AKNA: variants seen among roughly 807,000 people sequenced by gnomAD.
The protein encoded by AKNA is AT-hook transcription factor.
Under a neutral mutation model 138.8 loss-of-function variants are expected in AKNA, and 67 were observed. The ratio of observed to expected loss-of-function variants is 0.48; its 90% CI spans 0.40 to 0.59. AKNA has a LOEUF of 0.59. Among genes scored for constraint, AKNA ranks in the 20% least tolerant of loss-of-function variants. The pLI, the probability that AKNA is intolerant of heterozygous loss-of-function variation, is 0.00. For missense variants in AKNA, 1,813 were observed against 1,880.4 expected (o/e 0.96, Z 0.66); for synonymous variants, 737 against 754.4 (o/e 0.98, Z 0.38).
intron 20 of AKNA, 45 bp from the exon 21 acceptor site, chr9:114,341,770 G>GTCCA: frequency 6.6e-7 from 1 of 1,525,158 alleles, no homozygotes; most frequent in Non-Finnish European, 8.8e-7. Context: ...CTGACCACTT[G>GTCCA]GCAGATCCAG....
In AKNA at chr9:114,356,844, T is replaced by C; in HGVS notation, c.2846+19A>G. On this transcript the variant is annotated intron_variant, in intron 13 of 21. Coordinates refer to ENST00000374088, the MANE Select transcript of AKNA (RefSeq NM_001317950.2). ...CAGGAATGTGGCACTGACGGGACAA[T>C]GGCGGGATCCCGGGATACCTGATGT... 6.5e-7 allele frequency: 1 copy of C among 1,527,954 alleles called. No individual in the cohort carries two copies. Among genetic ancestry groups the C allele is most frequent in the Non-Finnish European group, 8.7e-7 (1 of 1,146,084 alleles). 94.6% of individuals were successfully genotyped at this position (1,527,954 alleles called of 1,614,324 possible).
chr9:114,350,537 A>T (rs1831033978), intron 15 of AKNA, among the ~76,000 whole-genome samples: 1 of 152,252 alleles, frequency 6.6e-6, no homozygotes, highest in African/African-American at 2.4e-5. Context: ...TCAATGGTCA[A>T]ATTGCAGAAA....
chr9:114,330,552 T>A, downstream of AKNA: 6 of 1,612,718 alleles, frequency 3.7e-6, no homozygotes, highest in Non-Finnish European at 3.4e-6. Context: ...GAGGACACGA[T>A]CTTTCTCAGA....
In AKNA at chr9:114,337,064, C is replaced by G; in HGVS notation, c.4310G>C (p.Cys1437Ser). The change falls in exon 22 of 22, where the codon TGC becomes TCC. Residue 1437 changes from cysteine (C) to serine (S), a missense_variant. Physicochemically the swap from Cys to Ser is moderately radical, Grantham distance 112. Transcript: ENST00000374088. The stretch of plus-strand genomic sequence containing the variant: ...GGGCCCCCAGTGAAGTCAGAAGAGG[C>G]AGGAGCCCCGCAGGCTGTGAGCCTG... ...LRQAHSLRGS[C>S]LF 7.9e-7 allele frequency: 1 copy of G among 1,266,740 alleles called. No homozygotes were observed. 78.5% of individuals were successfully genotyped at this position (1,266,740 alleles called of 1,614,324 possible).
chr9:114,385,826 C>G (rs1347734175), intron 1 of AKNA, among the ~76,000 whole-genome samples: 1 of 152,220 alleles, frequency 6.6e-6, no homozygotes, highest in Non-Finnish European at 1.5e-5. Flanking sequence ...ACGTTAGTGC[C>G]AACTACCTGC....
At chr9:114,347,116 T>C (rs117261644) in intron 16 of AKNA, among the ~76,000 whole-genome samples, 6 of 152,332 alleles carry the variant, frequency 3.9e-5, no homozygotes, top group Non-Finnish European at 8.8e-5. Flanking sequence ...TTGTCATAAA[T>C]GAACAAACAC....
rs1447968758 is a variant in AKNA at position 114,336,081 on chromosome 9, C to T, written c.*973G>A. On this transcript the variant is annotated 3_prime_UTR_variant, in exon 22 of 22. Coordinates refer to ENST00000374088, the MANE Select transcript of AKNA (RefSeq NM_001317950.2). ...GGCATCAAACCTACCACCCCATAAACTTGACATTGAAGGCAAAAGTTAATG... is the reference window on the plus strand; with the variant it reads ...GGCATCAAACCTACCACCCCATAAATTTGACATTGAAGGCAAAAGTTAATG... The T allele has an allele frequency of 2.0e-5, 3 of 152,488 alleles. No homozygotes were observed. Among genetic ancestry groups the T allele is most frequent in the Non-Finnish European group, 4.4e-5 (3 of 68,052 alleles). The allele number at this position is 152,488 out of a possible 1,614,324, so 9.4% of individuals were successfully genotyped here. A position where few individuals can be genotyped will look rare whatever the true frequency, so the allele number is the denominator to read the frequency against.
At chr9:114,352,489 C>A (rs13285344) in intron 14 of AKNA, among the ~76,000 whole-genome samples, 14,277 of 151,680 alleles carry the variant, frequency 0.094, 812 homozygotes, top group Non-Finnish European at 0.12. Flanking sequence ...CCCAGCTACT[C>A]GCGAGGCTGA....
Position 114,337,212 on chromosome 9 carries a change from T to G in AKNA, c.4162A>C (p.Ile1388Leu). The change falls in exon 22 of 22, where the codon ATC becomes CTC. Residue 1388 changes from isoleucine to leucine, a missense_variant. By Grantham distance (5) the Ile-to-Leu change is conservative. Coordinates refer to ENST00000374088, the MANE Select transcript of AKNA (RefSeq NM_001317950.2). ...PPPARRHRHS[I>L]QLDLGDLEEL... ...TCTAGGTCGCCCAGGTCGAGCTGGA[T>G]GGAGTGCCGGTGTCTCCGGGCTGGT... The G allele has an allele frequency of 6.3e-7, 1 of 1,592,486 alleles. No homozygotes were observed. The highest frequency in any genetic ancestry group is 8.6e-7 in the Non-Finnish European group (1 of 1,164,354).
At chr9:114,387,303 G>A (rs1035874789) in intron 1 of AKNA, among the ~76,000 whole-genome samples, 2 of 152,188 alleles carry the variant, frequency 1.3e-5, no homozygotes, top group East Asian at 1.9e-4. Flanking sequence ...CCCCCAGCCC[G>A]CTCCAGCAGC....
chr9:114,341,248 C>G (rs1830321904), intron 21 of AKNA, among the ~76,000 whole-genome samples: 1 of 152,214 alleles, frequency 6.6e-6, no homozygotes, highest in Non-Finnish European at 1.5e-5. Context: ...TCAGTCTCCA[C>G]AAAGTTATAA....
chr9:114,372,964 C>CGGA (rs1554842043), intron 4 of AKNA, among the ~76,000 whole-genome samples: 1 of 26,124 alleles, frequency 3.8e-5, no homozygotes, highest in Non-Finnish European at 7.7e-5. Flanking sequence ...GGGGACGCAG[C>CGGA]GGGGGGGGGG....
chr9:114,378,797 G>A (rs191292662), intron 2 of AKNA, among the ~76,000 whole-genome samples: 258 of 152,118 alleles, frequency 1.7e-3, no homozygotes, highest in African/African-American at 5.7e-3. Flanking sequence ...CACCATCCAT[G>A]CAGTCATTGT....
chr9:114,360,170 C>A, intron 9 of AKNA, 108 bp from the exon 10 acceptor site: 1 of 1,364,888 alleles, frequency 7.3e-7, no homozygotes, highest in Non-Finnish European at 1.0e-6. Context: ...GTAAGAAGCA[C>A]ATTAGACTCA....
intron 14 of AKNA, among the ~76,000 whole-genome samples, chr9:114,351,268 ACCATGACACCAT>A (rs1831101722): frequency 1.3e-5 from 2 of 152,146 alleles, no homozygotes. Flanking sequence ...CCTCCCACCC[ACCATGACACCAT>A]CCGAGTCTTC....
At chr9:114,391,998 C>T (rs760256576), upstream of AKNA, among the ~76,000 whole-genome samples, 14 of 145,722 alleles carry the variant, frequency 9.6e-5, no homozygotes, top group Non-Finnish European at 1.8e-4. Context: ...CAGCCCTTCC[C>T]ACGAGCCTGA....
chr9:114,377,342 A>T lies in AKNA; in HGVS notation c.465T>A (p.His155Gln), dbSNP rs750881031. 1 of 1,613,946 alleles carries T rather than the reference A, an allele frequency of 6.2e-7. No individual in the cohort carries two copies. Among genetic ancestry groups the T allele is most frequent in the Non-Finnish European group, 8.5e-7 (1 of 1,179,930 alleles). ...GYEAGLSLEG[H>Q]GNTSPMALGH... Reference sequence around the variant, plus strand: ...CAAGAGCCATGGGGCTGGTGTTTCCATGGCCTTCCAAGCTGAGACCAGCCT... The same window carrying T: ...CAAGAGCCATGGGGCTGGTGTTTCCTTGGCCTTCCAAGCTGAGACCAGCCT... Residue 155 changes from histidine (H) to glutamine (Q), a missense_variant, in exon 3 of 22, where the codon CAT (histidine) becomes CAA (glutamine). His to Gln is a conservative substitution (Grantham distance 24, BLOSUM62 0). Coordinates refer to ENST00000374088, the MANE Select transcript of AKNA (RefSeq NM_001317950.2).
chr9:114,376,411 A>G, intron 3 of AKNA, 55 bp downstream of exon 3: 1 of 1,574,634 alleles, frequency 6.4e-7, no homozygotes, highest in Non-Finnish European at 8.7e-7. Flanking sequence ...ATTAGCCTCC[A>G]CCCCAAGCCA....
chr9:114,355,164 G>A (rs1240928337), intron 14 of AKNA, among the ~76,000 whole-genome samples: 1 of 147,348 alleles, frequency 6.8e-6, no homozygotes, highest in African/African-American at 2.5e-5. Flanking sequence ...CACCATGCCC[G>A]GCCTGTACTG....
Sources: allele counts gnomAD v4.1 joint callset (sites outside exome capture counted in the v4.1 genomes callset), GRCh38; gene constraint gnomAD v4.1.1; transcripts MANE v1.5; gene names NCBI Gene and HGNC (gene_info 2026-07-23, HGNC 2026-07-21).